The following DSCAM variants were observed in gnomAD, a reference collection of about 807,000 sequenced individuals.
The protein encoded by DSCAM is cell adhesion molecule DSCAM.
In DSCAM, 47 loss-of-function variants were observed where a neutral mutation model predicts 217.7. That is an observed-to-expected ratio of 0.22 (90% CI 0.17 to 0.28). The LOEUF (loss-of-function observed/expected upper bound fraction) is 0.28. Among genes scored for constraint, DSCAM ranks in the 10% least tolerant of loss-of-function variants. DSCAM has a pLI of 1.00. For synonymous variants in DSCAM, 1,056 were observed against 1,015.3 expected (o/e 1.04, Z -0.76); for missense variants, 2,080 against 2,618.3 (o/e 0.79, Z 4.49).
chr21:40,431,401 G>T (rs929272491), intron 3 of DSCAM, among the ~76,000 whole-genome samples: 13 of 149,426 alleles, frequency 8.7e-5, no homozygotes, highest in African/African-American at 2.9e-4. Flanking sequence ...CCTTTATGAT[G>T]ATCCACTTCC....
intron 2 of DSCAM, among the ~76,000 whole-genome samples, chr21:40,705,908 G>A (rs527954792): frequency 2.6e-4 from 39 of 152,246 alleles, no homozygotes; most frequent in African/African-American, 9.1e-4. Flanking sequence ...TTTGTGGCCG[G>A]GGTCGCTCAT....
At chr21:40,730,827 C>A (rs2091004095) in intron 1 of DSCAM, among the ~76,000 whole-genome samples, 1 of 152,124 alleles carries the variant, frequency 6.6e-6, no homozygotes, top group South Asian at 2.1e-4. Context: ...ATAGCACATG[C>A]AACTTGCTCA....
At chr21:40,025,806 T>A (rs2088369307) in intron 32 of DSCAM, among the ~76,000 whole-genome samples, 2 of 151,012 alleles carry the variant, frequency 1.3e-5, no homozygotes, top group East Asian at 3.9e-4. Flanking sequence ...ATTTTGTTGA[T>A]CCTTTCAAAA....
At chr21:40,603,921 ATTTCTTT>A (rs1385931749) in intron 3 of DSCAM, among the ~76,000 whole-genome samples, 1 of 62,804 alleles carries the variant, frequency 1.6e-5, no homozygotes, top group African/African-American at 6.3e-5. Flanking sequence ...ACTTTTTTGC[ATTTCTTT>A]TTTTTTTTTT....
chr21:40,443,802 T>C (rs1267405084), intron 3 of DSCAM, among the ~76,000 whole-genome samples: 1 of 152,180 alleles, frequency 6.6e-6, no homozygotes, highest in Non-Finnish European at 1.5e-5. Context: ...ACAAGTGACA[T>C]GAAATGAAAT....
chr21:40,832,496 G>A (rs889570411), intron 1 of DSCAM, among the ~76,000 whole-genome samples: 1 of 152,184 alleles, frequency 6.6e-6, no homozygotes, highest in Non-Finnish European at 1.5e-5. Context: ...AATCTATGCA[G>A]ATAATTACTC....
chr21:40,427,268 C>A (rs1025898288), intron 3 of DSCAM, among the ~76,000 whole-genome samples: 14 of 152,144 alleles, frequency 9.2e-5, no homozygotes, highest in African/African-American at 3.4e-4. Context: ...CCCGTGTGTC[C>A]CAGCTGATCA....
At chr21:40,784,454 C>G (rs1355681774) in intron 1 of DSCAM, among the ~76,000 whole-genome samples, 2 of 152,188 alleles carry the variant, frequency 1.3e-5, no homozygotes, top group Non-Finnish European at 2.9e-5. Flanking sequence ...TACCCAGTCT[C>G]AGGTATGTCT....
chr21:40,199,649 C>T (rs150813016), intron 11 of DSCAM, among the ~76,000 whole-genome samples: 3,014 of 152,212 alleles, frequency 0.02, 66 homozygotes, highest in African/African-American at 0.049. Context: ...TCCACAGCCT[C>T]GCCAGCATAT....
intron 16 of DSCAM, among the ~76,000 whole-genome samples, chr21:40,163,361 A>G (rs1342646662): frequency 6.6e-6 from 1 of 152,206 alleles, no homozygotes; most frequent in East Asian, 1.9e-4. Flanking sequence ...TCAGAAACAA[A>G]ACCTGCCATG....
intron 4 of DSCAM, among the ~76,000 whole-genome samples, chr21:40,360,855 GGTAGCTCTATTTTAA>G (rs1484927990): frequency 2.0e-5 from 3 of 152,076 alleles, no homozygotes; most frequent in Admixed American, 6.6e-5. Context: ...TGGGTCAAAT[GGTAGCTCTATTTTAA>G]GTTCTTTGAG....
chr21:40,166,768 T>A (rs1005108310), intron 16 of DSCAM, among the ~76,000 whole-genome samples: 4 of 152,080 alleles, frequency 2.6e-5, no homozygotes, highest in Non-Finnish European at 5.9e-5. Context: ...GCAAGAAAAT[T>A]TAGGGGCTTT....
intron 3 of DSCAM, among the ~76,000 whole-genome samples, chr21:40,594,692 C>T (rs463424): frequency 0.33 from 50,548 of 151,968 alleles, 8,615 homozygotes; most frequent in South Asian, 0.46. Flanking sequence ...TAATCAATAA[C>T]TTGTAGATAA....
At chr21:40,054,618 T>C (rs2088984493) in intron 29 of DSCAM, among the ~76,000 whole-genome samples, 1 of 152,158 alleles carries the variant, frequency 6.6e-6, no homozygotes, top group African/African-American at 2.4e-5. Flanking sequence ...AAAACAAACA[T>C]AGCCAGGTTT....
intron 15 of DSCAM, among the ~76,000 whole-genome samples, chr21:40,174,164 T>G (rs1033667176): frequency 1.3e-5 from 2 of 152,122 alleles, no homozygotes; most frequent in African/African-American, 4.8e-5. Context: ...TCCTTTGTTG[T>G]GGGGGCTGCT....
rs201126514 is a variant in DSCAM at position 40,256,438 on chromosome 21, GACAC to G, written c.2356+19655_2356+19658del. Among the ~76,000 whole-genome samples the G allele has an allele frequency of 2.0e-3, 288 of 143,956 alleles. 2 individuals carry two copies. The highest frequency in any genetic ancestry group is 7.3e-3 in the African/African-American group (272 of 37,042). The allele number at this position is 143,956 out of a possible 152,430, so 94.4% of individuals were successfully genotyped here. A position where few individuals can be genotyped will look rare whatever the true frequency, so the allele number is the denominator to read the frequency against. Reference sequence around the variant, plus strand: ...AGAGAGAGAGACAGAGAGAGAGAGAGACACACACAGACAGACACACACACACAAA... The same window carrying G: ...AGAGAGAGAGACAGAGAGAGAGAGAGACACAGACAGACACACACACACAAA... On this transcript the variant is annotated intron_variant, in intron 11 of 32. Coordinates refer to ENST00000400454, the MANE Select transcript of DSCAM (RefSeq NM_001389.5).
intron 1 of DSCAM, among the ~76,000 whole-genome samples, chr21:40,738,699 T>C (rs905244169): frequency 5.9e-5 from 9 of 152,338 alleles, no homozygotes; most frequent in African/African-American, 2.2e-4. Context: ...AGGTCAGGAA[T>C]GGGCCCCAGG....
Position 40,266,635 on chromosome 21 carries a change from T to TTATATATATATATATA in DSCAM, c.2356+9446_2356+9461dup, listed in dbSNP as rs71186923. On this transcript the variant is annotated intron_variant, in intron 11 of 32. Coordinates refer to ENST00000400454, the MANE Select transcript of DSCAM (RefSeq NM_001389.5). The stretch of plus-strand genomic sequence containing the variant: ...TAACTGATGAATGGACAAAGATGTT[T>TTATATATATATATATA]TATATATATATATATATATATATAT... 3.3e-3 allele frequency among the ~76,000 whole-genome samples: 204 copies of TTATATATATATATATA among 62,550 alleles called. 2 individuals are homozygous for TTATATATATATATATA. The highest frequency in any genetic ancestry group is 6.9e-3 in the African/African-American group (81 of 11,820). The allele number at this position is 62,550 out of a possible 152,430, so 41.0% of individuals were successfully genotyped here.
intron 32 of DSCAM, among the ~76,000 whole-genome samples, chr21:40,028,825 C>T (rs1017268083): frequency 8.5e-5 from 13 of 152,076 alleles, no homozygotes; most frequent in South Asian, 4.1e-4. Flanking sequence ...AGCTGCAGAC[C>T]GGAGCTGTTC....
Sources: allele counts gnomAD v4.1 joint callset (sites outside exome capture counted in the v4.1 genomes callset), GRCh38; gene constraint gnomAD v4.1.1; transcripts MANE v1.5; gene names NCBI Gene and HGNC (gene_info 2026-07-23, HGNC 2026-07-21).